Variants in PTPRO observed in about 807,000 individuals in gnomAD.
PTPRO encodes the protein receptor-type tyrosine-protein phosphatase O.
In PTPRO, 62 loss-of-function variants were observed where a neutral mutation model predicts 145.2. The observed-to-expected ratio is 0.43, with a 90% CI of 0.35 to 0.53. PTPRO has a LOEUF of 0.53. PTPRO is among the 20% of genes least tolerant of loss of function. The pLI is 0.01. For missense variants in PTPRO, 1,345 were observed against 1,482.7 expected, an observed-to-expected ratio of 0.91 and a Z score of 1.53; for synonymous variants, 565 against 514.7, an observed-to-expected ratio of 1.10 and a Z score of -1.32.
intron 1 of PTPRO, among the ~76,000 whole-genome samples, chr12:15,335,800 G>A (rs144947759): frequency 6.6e-6 from 1 of 151,944 alleles, no homozygotes; most frequent in Admixed American, 6.6e-5. Flanking sequence ...AAATACAGTT[G>A]CATCTTTAAA....
At chr12:15,583,936 C>T (rs1423925046) in intron 23 of PTPRO, among the ~76,000 whole-genome samples, 4 of 152,140 alleles carry the variant, frequency 2.6e-5, no homozygotes, top group Admixed American at 6.5e-5. Flanking sequence ...GGCTGTGTTT[C>T]GTGTTGTTTC....
chr12:15,477,854 C>T (rs1941691536), intron 1 of PTPRO, among the ~76,000 whole-genome samples: 1 of 152,160 alleles, frequency 6.6e-6, no homozygotes, highest in Non-Finnish European at 1.5e-5. Flanking sequence ...ACCTTTGAGG[C>T]CTGGAACCTC....
chr12:15,516,397 G>GAGAA lies in PTPRO; in HGVS notation c.1586-354_1586-351dup, dbSNP rs1460353928. On this transcript the variant is annotated intron_variant, in intron 8 of 26. Coordinates refer to ENST00000281171, the MANE Select transcript of PTPRO (RefSeq NM_030667.3). Reference sequence around the variant, plus strand: ...AAAGAACGAACGAAAGAGAGAGAGAGAGAAAGAAAGAAAGAGAGAAAGGAG... The same window carrying GAGAA: ...AAAGAACGAACGAAAGAGAGAGAGAGAGAAAGAAAGAAAGAAAGAGAGAAAGGAG... Among the ~76,000 whole-genome samples, 3 of 147,774 alleles carry GAGAA rather than the reference G, an allele frequency of 2.0e-5. No individual in the cohort carries two copies. In the Admixed American group the frequency reaches 2.1e-4, roughly 10 times the overall value.
intron 1 of PTPRO, among the ~76,000 whole-genome samples, chr12:15,334,841 A>G (rs534726471): frequency 6.6e-6 from 1 of 152,242 alleles, no homozygotes; most frequent in African/African-American, 2.4e-5. Context: ...TCTTTAATGA[A>G]TTGTTTTCCT....
At chr12:15,527,875 A>ACCCCCCCCCCCCCCCCCC (rs1555173370) in intron 12 of PTPRO, among the ~76,000 whole-genome samples, 4 of 137,646 alleles carry the variant, frequency 2.9e-5, no homozygotes, top group African/African-American at 5.7e-5. Context: ...GGGAACTGTG[A>ACCCCCCCCCCCCCCCCCC]CCCGCCCACG....
chr12:15,494,606 C>A (rs1199932215), intron 2 of PTPRO, among the ~76,000 whole-genome samples: 1 of 152,080 alleles, frequency 6.6e-6, no homozygotes, highest in Non-Finnish European at 1.5e-5. Flanking sequence ...TACACTGAAG[C>A]TGAGGGAAAC....
rs58421337 is a variant in PTPRO, at chr12:15,325,648, C to T, written c.75+2847C>T. ...AGTGAGGTATTTATCTGGCGAGCCT[C>T]GCTGTTGTGTGTCTTCCCATAATTC... On this transcript the variant is annotated intron_variant, in intron 1 of 26. Transcript: ENST00000281171. 6.4e-3 allele frequency among the ~76,000 whole-genome samples: 974 copies of T among 152,304 alleles called. 10 individuals carry two copies. Among genetic ancestry groups the T allele is most frequent in the African/African-American group, 0.022 (909 of 41,562 alleles).
chr12:15,447,299 G>C (rs1940926330), intron 1 of PTPRO, among the ~76,000 whole-genome samples: 1 of 152,026 alleles, frequency 6.6e-6, no homozygotes, highest in Non-Finnish European at 1.5e-5. Flanking sequence ...CTCCAAAATT[G>C]TGCTTAAGTA....
At chr12:15,580,165 A>T in intron 21 of PTPRO, 50 bp downstream of exon 21, 1 of 1,401,404 alleles carries the variant, frequency 7.1e-7, no homozygotes, top group Non-Finnish European at 1.0e-6. Context: ...AGCCAGAGAA[A>T]GACTAGCAGG....
At chr12:15,536,922 C>T (rs898193539) in intron 12 of PTPRO, among the ~76,000 whole-genome samples, 1 of 152,062 alleles carries the variant, frequency 6.6e-6, no homozygotes, top group African/African-American at 2.4e-5. Flanking sequence ...AGACTGGGAG[C>T]CACAGAGGCG....
intron 1 of PTPRO, among the ~76,000 whole-genome samples, chr12:15,390,859 A>G (rs1939170484): frequency 6.6e-6 from 1 of 152,178 alleles, no homozygotes; most frequent in Admixed American, 6.5e-5. Flanking sequence ...TTTAAACAAC[A>G]GCAATTTATT....
chr12:15,517,839 A>G (rs1230216870), intron 9 of PTPRO, among the ~76,000 whole-genome samples: 2 of 152,190 alleles, frequency 1.3e-5, no homozygotes, highest in Non-Finnish European at 2.9e-5. Context: ...TGCAGCATAT[A>G]TCCCCCCTCC....
rs1478133029 is a variant in PTPRO at position 15,508,501 on chromosome 12, T to A, written c.1268-70T>A. The A allele has an allele frequency of 1.3e-5, 19 of 1,474,976 alleles. No homozygotes were observed. In the East Asian group the frequency reaches 3.7e-4, roughly 29 times the overall value. 91.4% of individuals were successfully genotyped at this position (1,474,976 alleles called of 1,614,324 possible). On this transcript the variant is annotated intron_variant, in intron 6 of 26. Transcript: ENST00000281171. The stretch of plus-strand genomic sequence containing the variant: ...AGGGCAAAAAGAAAACATGATTTTT[T>A]AAACCAGAATCTTTTATCTCAATCA...
At position 15,436,356 on chromosome 12, in the gene PTPRO, A is replaced by T. The variant is rs112666835; in HGVS notation, c.76-47618A>T. ...TAAAAAGTTAAAGCAAACACACAAA[A>T]TACAAGTAGTAATTTCTTTTTTATT... On this transcript the variant is annotated intron_variant, in intron 1 of 26. Coordinates refer to ENST00000281171, the MANE Select transcript of PTPRO (RefSeq NM_030667.3). Among the ~76,000 whole-genome samples the T allele has an allele frequency of 7.2e-5, 11 of 152,370 alleles. 1 individual carries two copies. Among genetic ancestry groups the T allele is most frequent in the African/African-American group, 2.6e-4 (11 of 41,588 alleles).
intron 12 of PTPRO, among the ~76,000 whole-genome samples, chr12:15,544,159 A>G (rs1309923444): frequency 6.6e-6 from 1 of 152,186 alleles, no homozygotes; most frequent in Non-Finnish European, 1.5e-5. Flanking sequence ...GTGATGATCA[A>G]TGAATGTGAT....
chr12:15,393,551 G>A (rs1939249393), intron 1 of PTPRO, among the ~76,000 whole-genome samples: 1 of 151,946 alleles, frequency 6.6e-6, no homozygotes, highest in Non-Finnish European at 1.5e-5. Context: ...TCAGTATCAT[G>A]TCAGGTCAGG....
chr12:15,338,889 T>G (rs11831965), intron 1 of PTPRO, among the ~76,000 whole-genome samples: 35,386 of 152,020 alleles, frequency 0.23, 4,474 homozygotes, highest in Non-Finnish European at 0.29. Context: ...AAACATGTAT[T>G]AAGGTAAACA....
At chr12:15,408,809 G>T (rs1427636680) in intron 1 of PTPRO, among the ~76,000 whole-genome samples, 3 of 152,112 alleles carry the variant, frequency 2.0e-5, no homozygotes, top group Non-Finnish European at 4.4e-5. Flanking sequence ...CATTTTAAAA[G>T]TGATATATAA....
At chr12:15,443,697 A>G (rs991385170) in intron 1 of PTPRO, among the ~76,000 whole-genome samples, 2 of 152,166 alleles carry the variant, frequency 1.3e-5, no homozygotes, top group South Asian at 4.1e-4. Context: ...ACATGAACAG[A>G]CACGCCTCAA....
Sources: gnomAD v4.1 joint callset for allele counts (sites outside exome capture counted in the v4.1 genomes callset) on GRCh38, gnomAD v4.1.1 for gene constraint, MANE v1.5 for transcripts, NCBI Gene and HGNC (gene_info 2026-07-23, HGNC 2026-07-21) for gene names.